Variants in NLRC5 observed in about 807,000 individuals in gnomAD.
NLRC5 encodes the protein protein NLRC5.
A neutral mutation model predicts 206.9 loss-of-function variants in NLRC5; 114 were observed. The observed-to-expected ratio is 0.55, with a 90% CI of 0.47 to 0.64. NLRC5 has a LOEUF of 0.64. NLRC5 is among the 30% of genes least tolerant of loss of function. NLRC5 has a pLI of 0.00. For synonymous variants in NLRC5, 952 were observed against 962.8 expected, an observed-to-expected ratio of 0.99 and a Z score of 0.21; for missense variants, 2,008 against 2,305.5, an observed-to-expected ratio of 0.87 and a Z score of 2.64.
chr16:57,078,138 A>G (rs1455202800), intron 43 of NLRC5, 118 bp downstream of exon 43: 1 of 754,784 alleles, frequency 1.3e-6, no homozygotes, highest in Admixed American at 3.2e-5. Flanking sequence ...AGCTTGGCAT[A>G]TACCCACTCT....
intron 8 of NLRC5, 87 bp from the exon 9 acceptor site, chr16:57,029,686 G>A (rs2061592769): frequency 2.8e-6 from 3 of 1,056,302 alleles, no homozygotes; most frequent in Non-Finnish European, 4.4e-6. Context: ...TCTCCCACAT[G>A]AGGGTGGCCA....
chr16:57,035,955 G>A, intron 13 of NLRC5, 145 bp from the exon 14 acceptor site: 1 of 713,822 alleles, frequency 1.4e-6, no homozygotes, highest in Non-Finnish European at 2.4e-6. Flanking sequence ...CAGGCATGTG[G>A]TATGGAGTCT....
chr16:57,075,217 T>G (rs1474129982), intron 39 of NLRC5, among the ~76,000 whole-genome samples: 1 of 151,996 alleles, frequency 6.6e-6, no homozygotes, highest in Non-Finnish European at 1.5e-5. Flanking sequence ...TAGCATTTCT[T>G]TTTTTGTTTG....
Position 57,040,623 on chromosome 16 carries a change from A to C in NLRC5, c.2871-27A>C, listed in dbSNP as rs199475987. The stretch of plus-strand genomic sequence containing the variant: ...GAGATGGCGGACATGGCCTTTGCTC[A>C]GCCTGGCCTTGGTGATGTCCCTCCA... On this transcript the variant is annotated intron_variant, in intron 16 of 48. Coordinates refer to ENST00000688547, the MANE Select transcript of NLRC5 (RefSeq NM_001384950.1). The C allele has an allele frequency of 6.2e-7, 1 of 1,612,136 alleles. No individual in the cohort carries two copies. Among genetic ancestry groups the C allele is most frequent in the African/African-American group, 1.3e-5 (1 of 74,984 alleles).
intron 1 of NLRC5, among the ~76,000 whole-genome samples, chr16:57,001,802 A>T (rs80283595): frequency 6.6e-6 from 1 of 152,172 alleles, no homozygotes; most frequent in African/African-American, 2.4e-5. Context: ...ATTATTACTG[A>T]CTATAGTTAC....
intron 4 of NLRC5, among the ~76,000 whole-genome samples, 179 bp from the exon 5 acceptor site, chr16:57,023,606 C>A (rs2060915639): frequency 6.6e-6 from 1 of 152,198 alleles, no homozygotes; most frequent in South Asian, 2.1e-4. Flanking sequence ...GTCCACTCTG[C>A]AAATAGAAGC....
intron 47 of NLRC5, 63 bp from the exon 48 acceptor site, chr16:57,081,456 CCTAGGAAA>C: frequency 7.0e-7 from 1 of 1,438,374 alleles, no homozygotes. Flanking sequence ...GAGGAAGGGA[CCTAGGAAA>C]CTCTCACACC....
chr16:57,061,784 A>G lies in NLRC5; in HGVS notation c.4154+83A>G. 1.9e-6 allele frequency: 3 copies of G among 1,558,576 alleles called. No homozygotes were observed. In the South Asian group the frequency reaches 3.5e-5, roughly 18 times the overall value. ...GGCACTGGAGTAAGAGGCCCCCAGGATCATGGCCCCAGTCATTTCCTGTAC... is the reference window on the plus strand; with the variant it reads ...GGCACTGGAGTAAGAGGCCCCCAGGGTCATGGCCCCAGTCATTTCCTGTAC... On this transcript the variant is annotated intron_variant, in intron 32 of 48. Transcript: ENST00000688547.
At chr16:57,063,094 A>G (rs1038357641) in intron 32 of NLRC5, among the ~76,000 whole-genome samples, 1 of 146,974 alleles carries the variant, frequency 6.8e-6, no homozygotes, top group African/African-American at 2.5e-5. Flanking sequence ...TCACTGTGTC[A>G]GACTTTCCTT....
At position 56,993,128 on chromosome 16, in the gene NLRC5, T is replaced by TAC. The variant is rs1413736650; in HGVS notation, c.-128+3512_-128+3513insCA. ...ATATACACGTATATATGTGTATATA[T>TAC]ATATACACACACACACACACACACA... is the stretch of plus-strand genomic sequence containing the variant. On this transcript the variant is annotated intron_variant, in intron 1 of 48. Transcript: ENST00000688547. Among the ~76,000 whole-genome samples, 96 of 147,134 alleles carry TAC rather than the reference T, an allele frequency of 6.5e-4. 1 individual carries two copies. Among genetic ancestry groups the TAC allele is most frequent in the South Asian group, 4.0e-3 (19 of 4,706 alleles).
At chr16:57,070,472 G>A in intron 37 of NLRC5, 63 bp from the exon 38 acceptor site, 1 of 1,455,022 alleles carries the variant, frequency 6.9e-7, no homozygotes, top group Non-Finnish European at 9.6e-7. Context: ...GAGCTGACAG[G>A]ACAGCTCAGC....
intron 1 of NLRC5, among the ~76,000 whole-genome samples, chr16:57,007,197 T>G (rs1244093093): frequency 6.6e-6 from 1 of 152,192 alleles, no homozygotes; most frequent in South Asian, 2.1e-4. Context: ...CAGTTTCCTG[T>G]GTAGCTTCCC....
At chr16:57,036,526 A>G (rs2062599492) in intron 14 of NLRC5, among the ~76,000 whole-genome samples, 1 of 152,064 alleles carries the variant, frequency 6.6e-6, no homozygotes, top group Non-Finnish European at 1.5e-5. Context: ...TGGAGGTGTC[A>G]TGCTGGGGTG....
At chr16:57,030,445 T>TGGATGGGTGGATGAAAAGATGGATGGAC (rs2061711093) in intron 10 of NLRC5, among the ~76,000 whole-genome samples, 2 of 91,712 alleles carry the variant, frequency 2.2e-5, no homozygotes, top group African/African-American at 7.5e-5. Flanking sequence ...AAAAGATGGA[T>TGGATGGGTGGATGAAAAGATGGATGGAC]GGATGGATGG....
rs1363735221 is a variant in NLRC5, at chr16:57,047,566, GC to G, written c.3365del (p.Pro1122GlnfsTer10). On this transcript the variant is annotated frameshift_variant, in exon 23 of 49. Coordinates refer to ENST00000688547, the MANE Select transcript of NLRC5 (RefSeq NM_001384950.1). LOFTEE classifies it high-confidence loss of function. ...GCAGCCTCAGTGAGTGTCCTCTGGA[GC>G]CCCCAAGCCTCACCCGCCTCTGTGC... ...SLCLSECPLE[P>X]PSLTRLCATL... The G allele has an allele frequency of 1.2e-5, 19 of 1,610,956 alleles. No homozygotes were observed. Among genetic ancestry groups the G allele is most frequent in the Non-Finnish European group, 1.6e-5 (19 of 1,178,920 alleles).
rs769307574 is a variant in NLRC5 at position 57,025,523 on chromosome 16, G to T, written c.580G>T (p.Ala194Ser). ...AGCATCCTTAGACACTCCGGAGGGG[G>T]CCATTATGGGGGACGTCAAGGTGGA... ...ATASLDTPEG[A>S]IMGDVKVEDG... Residue 194 changes from alanine (A) to serine (S), a missense_variant, in exon 6 of 49, where the codon GCC (alanine) becomes TCC (serine). Coordinates refer to ENST00000688547, the MANE Select transcript of NLRC5 (RefSeq NM_001384950.1). The T allele has an allele frequency of 6.2e-7, 1 of 1,613,634 alleles. No homozygotes were observed. The highest frequency in any genetic ancestry group is 1.1e-5 in the South Asian group (1 of 91,012).
chr16:57,036,017 A>C (rs2062522224), intron 13 of NLRC5, 83 bp from the exon 14 acceptor site: 3 of 1,314,784 alleles, frequency 2.3e-6, no homozygotes, highest in Non-Finnish European at 3.3e-6. Context: ...ACTTTGACTA[A>C]AGTTAGCAAA....
rs773208444 is a variant in NLRC5, at chr16:57,051,563, C to A, written c.3448C>A (p.Gln1150Lys). 9.3e-6 allele frequency: 15 copies of A among 1,613,756 alleles called. No individual in the cohort carries two copies. Among genetic ancestry groups the A allele is most frequent in the Non-Finnish European group, 1.3e-5 (15 of 1,179,754 alleles). ...ATTGTCCTGTGAGTTCCTGAGTGAC[C>A]AGAGCCTGGAGACTCTACTGGACTG... ...LQLSCEFLSD[Q>K]SLETLLDCLP... The change falls in exon 24 of 49, where the codon CAG becomes AAG. Residue 1150 changes from glutamine to lysine, a missense_variant. Transcript: ENST00000688547.
intron 43 of NLRC5, 149 bp downstream of exon 43, chr16:57,078,169 C>T (rs2068653878): frequency 3.3e-6 from 2 of 602,756 alleles, no homozygotes; most frequent in Non-Finnish European, 5.5e-6. Context: ...CCTTCCCTGC[C>T]TCTGATGTCT....
Sources: gnomAD v4.1 joint callset for allele counts (sites outside exome capture counted in the v4.1 genomes callset) on GRCh38, gnomAD v4.1.1 for gene constraint, MANE v1.5 for transcripts, NCBI Gene and HGNC (gene_info 2026-07-23, HGNC 2026-07-21) for gene names.